The following LPP variants were observed in gnomAD, a reference collection of about 807,000 sequenced individuals.
The protein encoded by LPP is lipoma-preferred partner.
LPP carries 38 observed loss-of-function variants against 60.4 expected under a neutral mutation model. The ratio of observed to expected loss-of-function variants is 0.63; its 90% confidence interval spans 0.49 to 0.83. The LOEUF is 0.83. LPP is among the 40% of genes least tolerant of loss of function. The pLI is 0.00. For synonymous variants in LPP, 328 were observed against 290.8 expected (o/e 1.13, Z -1.30); for missense variants, 902 against 783.6 (o/e 1.15, Z -1.80).
chr3:188,467,855 T>G (rs777571309), intron 4 of LPP, among the ~76,000 whole-genome samples: 1 of 152,156 alleles, frequency 6.6e-6, no homozygotes, highest in Non-Finnish European at 1.5e-5. Context: ...GCCAACACCT[T>G]GATTTTAGTG....
intron 5 of LPP, among the ~76,000 whole-genome samples, chr3:188,520,500 C>T (rs967188202): frequency 4.6e-5 from 7 of 152,342 alleles, no homozygotes; most frequent in African/African-American, 1.7e-4. Context: ...AATTATCTCC[C>T]ACACGGTCCT....
intron 3 of LPP, among the ~76,000 whole-genome samples, chr3:188,403,991 G>C (rs1398849565): frequency 6.6e-6 from 1 of 152,114 alleles, no homozygotes; most frequent in Non-Finnish European, 1.5e-5. Context: ...ACCATCACTG[G>C]CTTCAATAGC....
At chr3:188,467,672 A>T (rs1027007045) in intron 4 of LPP, among the ~76,000 whole-genome samples, 2 of 152,138 alleles carry the variant, frequency 1.3e-5, no homozygotes, top group African/African-American at 4.8e-5. Flanking sequence ...ATGGAAGAAG[A>T]GGACAGAGGA....
chr3:188,214,730 G>A (rs1374351536), intron 1 of LPP, among the ~76,000 whole-genome samples: 1 of 152,210 alleles, frequency 6.6e-6, no homozygotes, highest in Non-Finnish European at 1.5e-5. Context: ...TGAGACAGGA[G>A]GAGAGAGCCT....
At position 188,628,547 on chromosome 3, in the gene LPP, A is replaced by G. The variant is rs1331435498; in HGVS notation, c.1113+18703A>G. Among the ~76,000 whole-genome samples, 5 of 152,168 alleles carry G rather than the reference A, an allele frequency of 3.3e-5. No individual in the cohort carries two copies. The East Asian group carries it at 9.6e-4, about 29-fold the overall frequency. ...ACATAAAACCTCACAAGATTGAAGC[A>G]GGAAGACATTAAAATCCTGAATAGA... On this transcript the variant is annotated intron_variant, in intron 7 of 11. Transcript: ENST00000617246.
At chr3:188,689,877 T>C (rs1372651059) in intron 7 of LPP, among the ~76,000 whole-genome samples, 1 of 151,980 alleles carries the variant, frequency 6.6e-6, no homozygotes, top group Non-Finnish European at 1.5e-5. Context: ...GTAATTTTTG[T>C]CCCATTGACA....
intron 6 of LPP, among the ~76,000 whole-genome samples, chr3:188,595,149 T>G (rs1839743600): frequency 6.6e-6 from 1 of 152,134 alleles, no homozygotes; most frequent in Non-Finnish European, 1.5e-5. Context: ...CTTTGAATTC[T>G]TTCAATCAAA....
rs564578600 is a variant in LPP at position 188,785,645 on chromosome 3, A to G, written c.1410+25363A>G. ...ATTTGGGTTGGTTCCATGATTTTGC[A>G]ATTGCGAATTGTGCTGCTATAAACA... On this transcript the variant is annotated intron_variant, in intron 9 of 11. Coordinates refer to ENST00000617246, the MANE Select transcript of LPP (RefSeq NM_001375462.1). Among the ~76,000 whole-genome samples, 37 of 150,106 alleles carry G rather than the reference A, an allele frequency of 2.5e-4. 1 individual carries two copies. Among genetic ancestry groups the G allele is most frequent in the African/African-American group, 9.1e-4 (37 of 40,822 alleles).
intron 3 of LPP, among the ~76,000 whole-genome samples, chr3:188,344,566 T>C (rs1417703411): frequency 6.6e-6 from 1 of 152,178 alleles, no homozygotes; most frequent in East Asian, 1.9e-4. Context: ...TTAAATGTTC[T>C]CTTATATATG....
chr3:188,562,378 A>G (rs889285904), intron 6 of LPP: 1 of 152,052 alleles, frequency 6.6e-6, no homozygotes, highest in African/African-American at 2.4e-5. Flanking sequence ...GTTTCACCAT[A>G]GTTGATGCTC....
chr3:188,297,863 T>C (rs1219325667), intron 2 of LPP, among the ~76,000 whole-genome samples: 1 of 152,224 alleles, frequency 6.6e-6, no homozygotes, highest in African/African-American at 2.4e-5. Flanking sequence ...TTGAGCTCAC[T>C]ACTTCATTTT....
At chr3:188,249,726 A>G (rs1728387018) in intron 2 of LPP, among the ~76,000 whole-genome samples, 1 of 151,444 alleles carries the variant, frequency 6.6e-6, no homozygotes, top group African/African-American at 2.4e-5. Flanking sequence ...GCATAGTCCA[A>G]TATAGCCATA....
chr3:188,262,424 C>T (rs886999181), intron 2 of LPP, among the ~76,000 whole-genome samples: 1 of 151,926 alleles, frequency 6.6e-6, no homozygotes, highest in African/African-American at 2.4e-5. Context: ...TGTAATCCCA[C>T]CCCTTACAGC....
At chr3:188,845,479 A>G (rs2151792014) in intron 9 of LPP, among the ~76,000 whole-genome samples, 1 of 152,332 alleles carries the variant, frequency 6.6e-6, no homozygotes, top group South Asian at 2.1e-4. Flanking sequence ...TTGTACTTGC[A>G]AGAGACACAT....
intron 5 of LPP, among the ~76,000 whole-genome samples, chr3:188,512,558 T>TATAAATA (rs1816051426): frequency 7.1e-6 from 1 of 140,656 alleles, no homozygotes; most frequent in African/African-American, 2.7e-5. Flanking sequence ...AAACCCGGTC[T>TATAAATA]ATAAATAAAT....
At chr3:188,206,827 C>G (rs1194030193) in intron 1 of LPP, among the ~76,000 whole-genome samples, 1 of 152,144 alleles carries the variant, frequency 6.6e-6, no homozygotes, top group African/African-American at 2.4e-5. Context: ...CTTTTGTTTT[C>G]TCATTTGTAA....
chr3:188,814,245 G>T (rs1751870343), intron 9 of LPP, among the ~76,000 whole-genome samples: 1 of 152,122 alleles, frequency 6.6e-6, no homozygotes, highest in African/African-American at 2.4e-5. Flanking sequence ...TAGACAAGAA[G>T]GTTGCCCTAA....
chr3:188,741,393 C>T (rs769672626), intron 8 of LPP, among the ~76,000 whole-genome samples: 3 of 152,004 alleles, frequency 2.0e-5, no homozygotes, highest in Non-Finnish European at 4.4e-5. Flanking sequence ...TTCCTCTTTT[C>T]CAAAATTAGT....
intron 9 of LPP, among the ~76,000 whole-genome samples, chr3:188,829,021 G>A (rs1309641606): frequency 4.0e-5 from 6 of 151,122 alleles, no homozygotes; most frequent in African/African-American, 7.3e-5. Context: ...ATCTTTTATC[G>A]GCAAAGACCA....
Sources: allele counts gnomAD v4.1 joint callset (sites outside exome capture counted in the v4.1 genomes callset), GRCh38; gene constraint gnomAD v4.1.1; transcripts MANE v1.5; gene names NCBI Gene and HGNC (gene_info 2026-07-23, HGNC 2026-07-21).